The following SNX8 variants were observed in gnomAD, a reference collection of about 807,000 sequenced individuals.
SNX8 encodes the protein sorting nexin-8.
A neutral mutation model predicts 51.6 loss-of-function variants in SNX8; 25 were observed. The observed-to-expected ratio is 0.48, with a 90% CI of 0.35 to 0.68. The LOEUF (loss-of-function observed/expected upper bound fraction) is 0.68. Ranked by LOEUF, SNX8 falls within the 30% of genes least tolerant of loss-of-function variation. The pLI, the probability that SNX8 is intolerant of heterozygous loss-of-function variation, is 0.00. For synonymous variants in SNX8, 324 were observed against 277.0 expected, an observed-to-expected ratio of 1.17 and a Z score of -1.68; for missense variants, 695 against 624.0, an observed-to-expected ratio of 1.11 and a Z score of -1.21.
chr7:2,341,018 T>C (rs964517441), intron 1 of SNX8, among the ~76,000 whole-genome samples: 1 of 151,134 alleles, frequency 6.6e-6, no homozygotes, highest in Non-Finnish European at 1.5e-5. Context: ...ATGCTGTCTC[T>C]GAAGAAAATT....
At chr7:2,277,708 G>A (rs1435190949) in intron 2 of SNX8, among the ~76,000 whole-genome samples, 1 of 152,060 alleles carries the variant, frequency 6.6e-6, no homozygotes, top group African/African-American at 2.4e-5. Context: ...TTGGGAGGCT[G>A]AGGCAGGAGA....
At chr7:2,285,021 G>A (rs539039312) in intron 1 of SNX8, among the ~76,000 whole-genome samples, 3 of 151,846 alleles carry the variant, frequency 2.0e-5, no homozygotes, top group Admixed American at 6.6e-5. Flanking sequence ...GACCATCCTG[G>A]CTAACACGAT....
chr7:2,254,679 C>A lies in SNX8; in HGVS notation c.*377G>T. 3.7e-6 allele frequency: 1 copy of A among 272,040 alleles called. No homozygotes were observed. The highest frequency in any genetic ancestry group is 4.2e-5 in the South Asian group (1 of 23,932). The allele number at this position is 272,040 out of a possible 1,614,324, so 16.9% of individuals were successfully genotyped here. A position where few individuals can be genotyped will look rare whatever the true frequency, so the allele number is the denominator to read the frequency against. ...TGCCCTCTCTCCTCGGCTGACCGAG[C>A]ACCATGATGCTGCCCCTCCCGACTG... On this transcript the variant is annotated 3_prime_UTR_variant, in exon 11 of 11. Transcript: ENST00000222990.
chr7:2,322,671 G>T (rs1778546407), intron 1 of SNX8, among the ~76,000 whole-genome samples: 1 of 152,022 alleles, frequency 6.6e-6, no homozygotes, highest in South Asian at 2.1e-4. Context: ...TCCAGCCTGG[G>T]TGACAGATTG....
At chr7:2,269,163 C>G (rs904100985) in intron 5 of SNX8, among the ~76,000 whole-genome samples, 2 of 150,194 alleles carry the variant, frequency 1.3e-5, no homozygotes, top group African/African-American at 4.9e-5. Flanking sequence ...ACATGGGAGA[C>G]TTTTCATTTT....
rs776936972 is a variant in SNX8, at chr7:2,278,338, T to G, written c.95-33A>C. The G allele has an allele frequency of 3.7e-6, 5 of 1,350,652 alleles. No homozygotes were observed. The South Asian group carries it at 5.4e-5, about 15-fold the overall frequency. 83.7% of individuals were successfully genotyped at this position (1,350,652 alleles called of 1,614,324 possible). A position where few individuals can be genotyped will look rare whatever the true frequency, so the allele number is the denominator to read the frequency against. On this transcript the variant is annotated intron_variant, in intron 1 of 10. Coordinates refer to ENST00000222990, the MANE Select transcript of SNX8 (RefSeq NM_013321.4). Reference sequence around the variant, plus strand: ...GGAGATGGTGAATGACCAGTGAGAATAGCTGCTCAAAAGCTGGAGCCTTGG... The same window carrying G: ...GGAGATGGTGAATGACCAGTGAGAAGAGCTGCTCAAAAGCTGGAGCCTTGG...
intron 5 of SNX8, among the ~76,000 whole-genome samples, chr7:2,268,446 A>AGG (rs1222301501): frequency 2.3e-5 from 3 of 130,366 alleles, no homozygotes; most frequent in Non-Finnish European, 3.3e-5. Context: ...TCCGGGAGGG[A>AGG]GGTGGGGGGG....
chr7:2,257,094 C>G (rs1430164603), intron 9 of SNX8, 71 bp from the exon 10 acceptor site: 1 of 1,484,490 alleles, frequency 6.7e-7, no homozygotes, highest in African/African-American at 1.4e-5. Flanking sequence ...CGAACACCAG[C>G]GTGCTCCCTG....
At chr7:2,303,558 G>A (rs1796464944) in intron 1 of SNX8, among the ~76,000 whole-genome samples, 1 of 152,228 alleles carries the variant, frequency 6.6e-6, no homozygotes, top group Admixed American at 6.5e-5. Flanking sequence ...TGGTTGCCGT[G>A]TCTGTGTAGA....
chr7:2,349,579 G>A (rs1779101243), intron 1 of SNX8, among the ~76,000 whole-genome samples: 1 of 150,758 alleles, frequency 6.6e-6, no homozygotes, highest in African/African-American at 2.4e-5. Flanking sequence ...CAAGAAGCTG[G>A]GACTACAGGA....
intron 1 of SNX8, among the ~76,000 whole-genome samples, chr7:2,288,841 C>T (rs1353671393): frequency 6.6e-6 from 1 of 152,144 alleles, no homozygotes; most frequent in African/African-American, 2.4e-5. Flanking sequence ...TCAAGCAATC[C>T]TCCCATCTCA....
intron 1 of SNX8, among the ~76,000 whole-genome samples, chr7:2,283,595 G>A (rs1289690779): frequency 6.6e-6 from 1 of 152,186 alleles, no homozygotes; most frequent in African/African-American, 2.4e-5. Context: ...GCTCTTCCAC[G>A]ACACACGGCT....
chr7:2,327,114 C>G (rs893287530), intron 1 of SNX8, among the ~76,000 whole-genome samples: 15 of 152,140 alleles, frequency 9.9e-5, no homozygotes, highest in Admixed American at 5.9e-4. Context: ...CTTCTTCCAG[C>G]TTCTGGTGTT....
intron 1 of SNX8, among the ~76,000 whole-genome samples, chr7:2,293,907 A>G (rs7797577): frequency 0.38 from 57,587 of 151,316 alleles, 11,645 homozygotes; most frequent in East Asian, 0.6. Context: ...GGGAGGTTGC[A>G]GTGAGCCGAG....
intron 1 of SNX8, among the ~76,000 whole-genome samples, chr7:2,349,796 G>A (rs953390463): frequency 2.6e-5 from 4 of 151,886 alleles, no homozygotes; most frequent in Admixed American, 6.6e-5. Context: ...GCAGTGGCTC[G>A]ATCCTGGCTC....
At chr7:2,350,366 C>T (rs1779113172) in intron 1 of SNX8, among the ~76,000 whole-genome samples, 3 of 152,156 alleles carry the variant, frequency 2.0e-5, no homozygotes, top group African/African-American at 7.2e-5. Flanking sequence ...TGTGGCGGAA[C>T]ATTTTTCATT....
At chr7:2,316,258 C>A (rs866532823), upstream of SNX8, among the ~76,000 whole-genome samples, 6 of 149,244 alleles carry the variant, frequency 4.0e-5, no homozygotes, top group African/African-American at 1.5e-4. Context: ...CACTCACTCA[C>A]TCTGCATCCT....
intron 5 of SNX8, among the ~76,000 whole-genome samples, chr7:2,268,001 G>C (rs1206627501): frequency 6.7e-6 from 1 of 148,874 alleles, no homozygotes; most frequent in South Asian, 2.1e-4. Context: ...CTGCCCGGCC[G>C]AGACCCCGTC....
At chr7:2,314,130 G>C in intron 1 of SNX8, among the ~76,000 whole-genome samples, 198 bp downstream of exon 1, 1 of 152,186 alleles carries the variant, frequency 6.6e-6, no homozygotes, top group Non-Finnish European at 1.5e-5. Context: ...GGAGGCGCGA[G>C]AGAGCACGGG....
Sources: allele counts gnomAD v4.1 joint callset (sites outside exome capture counted in the v4.1 genomes callset), GRCh38; gene constraint gnomAD v4.1.1; transcripts MANE v1.5; gene names NCBI Gene and HGNC (gene_info 2026-07-23, HGNC 2026-07-21).